GPC6: variants seen among roughly 807,000 people sequenced by gnomAD.
GPC6 encodes glypican-6.
Under a neutral mutation model 55.2 loss-of-function variants are expected in GPC6, and 14 were observed. The observed-to-expected ratio is 0.25, with a 90% CI of 0.17 to 0.40. GPC6 has a LOEUF of 0.40. GPC6 is among the 10% of genes least tolerant of loss of function. GPC6 has a pLI of 1.00. For synonymous variants in GPC6, 278 were observed against 259.6 expected, an observed-to-expected ratio of 1.07 and a Z score of -0.68; for missense variants, 641 against 708.5, an observed-to-expected ratio of 0.90 and a Z score of 1.08.
At chr13:93,394,752 C>T (rs74963552) in intron 1 of GPC6, among the ~76,000 whole-genome samples, 1,590 of 152,212 alleles carry the variant, frequency 0.01, 26 homozygotes, top group African/African-American at 0.036. Flanking sequence ...CTGGAAGTTC[C>T]ACTGTGAATC....
intron 3 of GPC6, among the ~76,000 whole-genome samples, chr13:93,912,539 C>T (rs180690167): frequency 1.1e-4 from 16 of 152,080 alleles, no homozygotes; most frequent in East Asian, 5.8e-4. Flanking sequence ...GTCAGGAGAT[C>T]GAGACCATCC....
chr13:94,158,883 T>C (rs1309361075), intron 4 of GPC6, among the ~76,000 whole-genome samples: 1 of 152,140 alleles, frequency 6.6e-6, no homozygotes, highest in Non-Finnish European at 1.5e-5. Flanking sequence ...GCAGCTTTTA[T>C]TAATACTCAT....
At chr13:93,810,616 A>C (rs571348986) in intron 2 of GPC6, among the ~76,000 whole-genome samples, 170 of 151,656 alleles carry the variant, frequency 1.1e-3, no homozygotes, top group African/African-American at 3.9e-3. Flanking sequence ...AATGAATGAC[A>C]AAAAAAGGGC....
At chr13:94,301,638 T>C (rs1364343172) in intron 5 of GPC6, among the ~76,000 whole-genome samples, 1 of 152,244 alleles carries the variant, frequency 6.6e-6, no homozygotes, top group Non-Finnish European at 1.5e-5. Flanking sequence ...ATAATATTGT[T>C]ATTCCCATTT....
At chr13:94,390,322 T>C (rs986344198) in intron 7 of GPC6, among the ~76,000 whole-genome samples, 1 of 152,188 alleles carries the variant, frequency 6.6e-6, no homozygotes, top group African/African-American at 2.4e-5. Flanking sequence ...ATCCAATATA[T>C]ACCAAGTCAA....
At chr13:93,223,015 A>G (rs1875661473), upstream of GPC6, among the ~76,000 whole-genome samples, 1 of 88,884 alleles carries the variant, frequency 1.1e-5, no homozygotes, top group African/African-American at 3.9e-5. Flanking sequence ...AATCAGGGAA[A>G]ACACTTTTTT....
intron 2 of GPC6, among the ~76,000 whole-genome samples, chr13:93,547,883 C>T (rs1404233336): frequency 6.6e-6 from 1 of 152,140 alleles, no homozygotes; most frequent in Non-Finnish European, 1.5e-5. Context: ...GTCAGTTATA[C>T]ACTGGTATGA....
intron 1 of GPC6, among the ~76,000 whole-genome samples, chr13:93,344,279 A>G (rs1343941479): frequency 2.0e-5 from 3 of 152,156 alleles, no homozygotes; most frequent in Non-Finnish European, 4.4e-5. Flanking sequence ...ATTTCCTGCA[A>G]GTGGGCAGGG....
rs151062388 is a variant in GPC6, at chr13:93,298,433, C to T, written c.160+70817C>T. On this transcript the variant is annotated intron_variant, in intron 1 of 8. Coordinates refer to ENST00000377047, the MANE Select transcript of GPC6 (RefSeq NM_005708.5). ...CAGGCAGGCACACCACTTTGGGTTT[C>T]TGTTTGTTTTTGTGTTTTTCAGACA... Among the ~76,000 whole-genome samples, 216 of 152,050 alleles carry T rather than the reference C, an allele frequency of 1.4e-3. 2 individuals carry two copies. Among genetic ancestry groups the T allele is most frequent in the African/African-American group, 5.0e-3 (206 of 41,482 alleles).
chr13:93,879,075 T>G (rs930323305), intron 3 of GPC6, among the ~76,000 whole-genome samples: 2 of 152,080 alleles, frequency 1.3e-5, no homozygotes, highest in Non-Finnish European at 2.9e-5. Flanking sequence ...TCACTTCATT[T>G]CATTCATTTC....
At chr13:93,553,133 C>T (rs1875247376) in intron 2 of GPC6, among the ~76,000 whole-genome samples, 1 of 152,056 alleles carries the variant, frequency 6.6e-6, no homozygotes, top group Non-Finnish European at 1.5e-5. Context: ...GAGTAGAAAC[C>T]ACTCACTCTC....
chr13:93,578,755 G>GT (rs2139485350), intron 2 of GPC6, among the ~76,000 whole-genome samples: 1 of 150,544 alleles, frequency 6.6e-6, no homozygotes, highest in South Asian at 2.1e-4. Flanking sequence ...GCTTTAATGG[G>GT]TTCCTTGAGG....
At chr13:94,249,701 A>G (rs1470065160) in intron 4 of GPC6, among the ~76,000 whole-genome samples, 1 of 152,142 alleles carries the variant, frequency 6.6e-6, no homozygotes, top group African/African-American at 2.4e-5. Flanking sequence ...TTTGACCACA[A>G]TACAGGTCCC....
intron 4 of GPC6, among the ~76,000 whole-genome samples, chr13:94,030,066 G>C (rs1176864544): frequency 1.3e-5 from 2 of 149,724 alleles, no homozygotes; most frequent in African/African-American, 2.5e-5. Flanking sequence ...GCGATGGCAC[G>C]ATCTCGGCTC....
intron 3 of GPC6, among the ~76,000 whole-genome samples, chr13:93,890,505 G>A (rs1875607983): frequency 6.6e-6 from 1 of 152,034 alleles, no homozygotes; most frequent in South Asian, 2.1e-4. Context: ...GTTACATCGA[G>A]TGCCTTTTGT....
At chr13:94,191,115 T>C (rs1236099564) in intron 4 of GPC6, among the ~76,000 whole-genome samples, 1 of 152,228 alleles carries the variant, frequency 6.6e-6, no homozygotes, top group Admixed American at 6.5e-5. Context: ...AAGAGCTTTC[T>C]TTAAGCTGCA....
At chr13:94,354,803 TTAATC>T (rs1401959524) in intron 6 of GPC6, among the ~76,000 whole-genome samples, 1 of 152,244 alleles carries the variant, frequency 6.6e-6, no homozygotes, top group East Asian at 1.9e-4. Flanking sequence ...GCCATCAGTG[TTAATC>T]TATCTATACA....
chr13:94,262,680 A>AC (rs1891689328), intron 4 of GPC6, among the ~76,000 whole-genome samples: 1 of 151,806 alleles, frequency 6.6e-6, no homozygotes, highest in Admixed American at 6.6e-5. Flanking sequence ...CTCAGAAAAA[A>AC]AAAAAAAAAA....
In GPC6 at chr13:94,382,435, T is replaced by C. The variant is rs748292770; in HGVS notation, c.1174T>C (p.Leu392=). 4 of 1,614,100 alleles carry C rather than the reference T, an allele frequency of 2.5e-6. No individual in the cohort carries two copies. The highest frequency in any genetic ancestry group is 3.4e-6 in the Non-Finnish European group (4 of 1,179,994). Residue 392 remains leucine (L), a synonymous_variant, in exon 7 of 9, where the codon TTG becomes CTG. Coordinates refer to ENST00000377047, the MANE Select transcript of GPC6 (RefSeq NM_005708.5). The part of the protein sequence containing the change: ...DRLVTDIKEK[L]KLSKKVWSAL... ...TCAGGTCACAGACATAAAAGAGAAA[T>C]TGAAGCTCTCTAAAAAGGTCTGGTC...
Sources: gnomAD v4.1 joint callset for allele counts (sites outside exome capture counted in the v4.1 genomes callset) on GRCh38, gnomAD v4.1.1 for gene constraint, MANE v1.5 for transcripts, NCBI Gene and HGNC (gene_info 2026-07-23, HGNC 2026-07-21) for gene names.